The following CELF5 variants were observed in gnomAD, a reference collection of about 807,000 sequenced individuals.
The protein encoded by CELF5 is CUGBP Elav-like family member 5.
Under a neutral mutation model 54.9 loss-of-function variants are expected in CELF5, and 6 were observed. The observed-to-expected ratio is 0.11, with a 90% CI of 0.06 to 0.22. CELF5 has a LOEUF of 0.22. CELF5 is among the 10% of genes least tolerant of loss of function. CELF5 has a pLI of 1.00. For synonymous variants in CELF5, 271 were observed against 290.9 expected, an observed-to-expected ratio of 0.93 and a Z score of 0.70; for missense variants, 401 against 678.6, an observed-to-expected ratio of 0.59 and a Z score of 4.54.
chr19:3,232,477 G>C (rs747019806), intron 1 of CELF5, among the ~76,000 whole-genome samples: 2 of 151,880 alleles, frequency 1.3e-5, no homozygotes, highest in Non-Finnish European at 2.9e-5. Flanking sequence ...ACAGGAGTTA[G>C]AGATTACAGT....
chr19:3,249,703 C>A (rs2079621723), intron 1 of CELF5, among the ~76,000 whole-genome samples: 1 of 152,232 alleles, frequency 6.6e-6, no homozygotes, highest in Admixed American at 6.5e-5. Flanking sequence ...AAGCTCCACC[C>A]CCATCCATTG....
chr19:3,271,052 G>GC (rs2079954431), intron 2 of CELF5, among the ~76,000 whole-genome samples: 1 of 152,144 alleles, frequency 6.6e-6, no homozygotes, highest in Admixed American at 6.5e-5. Flanking sequence ...CAGGAGCTGG[G>GC]CTCGCCCCTA....
At chr19:3,296,071 T>C (rs2080437615) in intron 12 of CELF5, 1 of 146,908 alleles carries the variant, frequency 6.8e-6, no homozygotes, top group African/African-American at 2.6e-5. Flanking sequence ...TTTTTTTTTT[T>C]CCGGTCTTTC....
intron 1 of CELF5, among the ~76,000 whole-genome samples, chr19:3,241,889 C>T (rs535414788): frequency 6.6e-6 from 1 of 152,204 alleles, no homozygotes; most frequent in Non-Finnish European, 1.5e-5. Context: ...ATTCTCCTGC[C>T]TCAACCTCCC....
In CELF5 at chr19:3,247,008, A is replaced by G. The variant is rs145373448; in HGVS notation, c.260-3977A>G. The stretch of plus-strand genomic sequence containing the variant: ...AATCACATTGATACGTGATGCGCAC[A>G]TGGTGGGGACACCATCGTGAAGGCA... On this transcript the variant is annotated intron_variant, in intron 1 of 12. Transcript: ENST00000292672. Among the ~76,000 whole-genome samples the G allele has an allele frequency of 6.9e-4, 105 of 152,362 alleles. No homozygotes were observed. In the Middle Eastern group the frequency reaches 0.014, roughly 20 times the overall value.
chr19:3,256,290 T>A (rs545394700), intron 2 of CELF5, among the ~76,000 whole-genome samples: 23 of 152,176 alleles, frequency 1.5e-4, no homozygotes, highest in Admixed American at 1.4e-3. Context: ...CTTCTGCTCA[T>A]CCCTGACCTC....
chr19:3,233,818 CAG>C (rs1917389970), intron 1 of CELF5, among the ~76,000 whole-genome samples: 1 of 152,124 alleles, frequency 6.6e-6, no homozygotes, highest in African/African-American at 2.4e-5. Context: ...CAGGGTCTCT[CAG>C]GGGAATATGG....
chr19:3,272,810 C>T (rs1401831291), intron 2 of CELF5, among the ~76,000 whole-genome samples: 1 of 152,116 alleles, frequency 6.6e-6, no homozygotes, highest in Non-Finnish European at 1.5e-5. Flanking sequence ...GGGAGTTTGC[C>T]ACAGACATCA....
intron 2 of CELF5, 97 bp downstream of exon 2, chr19:3,251,164 G>T: frequency 1.1e-6 from 1 of 880,646 alleles, no homozygotes. Context: ...TGTGAATTCT[G>T]TGTGTCTCGG....
At position 3,237,997 on chromosome 19, in the gene CELF5, C is replaced by T. The variant is rs200907452; in HGVS notation, c.260-12988C>T. ...CCAGGAGGCGGAGCTTGCAGTGAGC[C>T]GAGATCACGCCACTGCACTCCAGCC... is the stretch of plus-strand genomic sequence containing the variant. On this transcript the variant is annotated intron_variant, in intron 1 of 12. Transcript: ENST00000292672. 9.9e-5 allele frequency among the ~76,000 whole-genome samples: 15 copies of T among 151,874 alleles called. No homozygotes were observed. In the South Asian group the frequency reaches 2.9e-3, roughly 30 times the overall value.
At chr19:3,280,660 G>A (rs1474361117) in intron 5 of CELF5, among the ~76,000 whole-genome samples, 1 of 152,124 alleles carries the variant, frequency 6.6e-6, no homozygotes, top group African/African-American at 2.4e-5. Flanking sequence ...TACTTGTCCC[G>A]CCTTGTTCCT....
intron 2 of CELF5, among the ~76,000 whole-genome samples, chr19:3,257,702 C>A (rs1271581385): frequency 6.6e-6 from 1 of 151,846 alleles, no homozygotes; most frequent in Non-Finnish European, 1.5e-5. Flanking sequence ...TCTCGAACTC[C>A]CGAGCTCAGA....
intron 2 of CELF5, among the ~76,000 whole-genome samples, chr19:3,264,419 CT>C (rs1019093045): frequency 2.4e-3 from 310 of 128,734 alleles, no homozygotes; most frequent in Admixed American, 2.3e-3. Flanking sequence ...TCTTTTCTTT[CT>C]TTTTTTTTTT....
At chr19:3,283,817 CA>C (rs1465764835) in intron 8 of CELF5, among the ~76,000 whole-genome samples, 4 of 151,458 alleles carry the variant, frequency 2.6e-5, no homozygotes, top group Non-Finnish European at 5.9e-5. Flanking sequence ...AGACGGTATT[CA>C]AATTTCACCA....
chr19:3,243,715 G>T lies in CELF5; in HGVS notation c.260-7270G>T, dbSNP rs1463466657. Among the ~76,000 whole-genome samples, 6 of 152,130 alleles carry T rather than the reference G, an allele frequency of 3.9e-5. No homozygotes were observed. The East Asian group carries it at 1.2e-3, about 29-fold the overall frequency. On this transcript the variant is annotated intron_variant, in intron 1 of 12. Coordinates refer to ENST00000292672, the MANE Select transcript of CELF5 (RefSeq NM_021938.4). ...AATTTATTTTTGCTCAGTTCTGGAG[G>T]CCAGAAGTTCGAAATCAAGGTGTTG...
At chr19:3,254,021 GC>G (rs907652814) in intron 2 of CELF5, among the ~76,000 whole-genome samples, 8 of 152,124 alleles carry the variant, frequency 5.3e-5, no homozygotes, top group African/African-American at 1.9e-4. Context: ...CCTGTTGGGG[GC>G]CAAAACTGAG....
intron 2 of CELF5, among the ~76,000 whole-genome samples, chr19:3,265,871 A>C (rs2079874737): frequency 6.6e-6 from 1 of 151,448 alleles, no homozygotes; most frequent in Non-Finnish European, 1.5e-5. Context: ...TGATGGCGTG[A>C]TCTCAGCTCA....
intron 1 of CELF5, among the ~76,000 whole-genome samples, chr19:3,243,201 T>TG (rs1386999511): frequency 1.3e-5 from 2 of 152,138 alleles, no homozygotes; most frequent in African/African-American, 4.8e-5. Context: ...TTTTTTGTTT[T>TG]GGGGTATTTG....
chr19:3,290,102 G>T, intron 10 of CELF5, 129 bp from the exon 11 acceptor site: 1 of 660,960 alleles, frequency 1.5e-6, no homozygotes, highest in Non-Finnish European at 2.6e-6. Flanking sequence ...CCTTCTTTCT[G>T]GGTGTCTGAG....
Sources: gnomAD v4.1 joint callset for allele counts (sites outside exome capture counted in the v4.1 genomes callset) on GRCh38, gnomAD v4.1.1 for gene constraint, MANE v1.5 for transcripts, NCBI Gene and HGNC (gene_info 2026-07-23, HGNC 2026-07-21) for gene names.